Variants in TAPT1 observed in about 807,000 individuals in gnomAD.
TAPT1 encodes transmembrane anterior posterior transformation protein 1 homolog.
In TAPT1, 28 loss-of-function variants were observed where a neutral mutation model predicts 65.6. The observed-to-expected ratio is 0.43, with a 90% confidence interval of 0.32 to 0.59. The LOEUF (loss-of-function observed/expected upper bound fraction) is 0.59, where lower values mean the gene tolerates loss of function less well. Among genes scored for constraint, TAPT1 ranks in the 20% least tolerant of loss-of-function variants. The pLI is 0.09. For missense variants in TAPT1, 563 were observed against 679.9 expected, an observed-to-expected ratio of 0.83 and a Z score of 1.91; for synonymous variants, 278 against 245.2, an observed-to-expected ratio of 1.13 and a Z score of -1.25.
Position 16,226,273 on chromosome 4 carries a change from C to A in TAPT1, c.185G>T (p.Arg62Leu). ...FYESDRRRER[R>L]RGRTELSLLR... ...GCCCGCCTCACCTGTGCGGCCCCGG[C>A]GCCTCTCCCGCCGCCGGTCGCTCTC... The change falls in exon 1 of 14, where the codon CGC (arginine) becomes CTC (leucine). Residue 62 changes from arginine (R) to leucine (L), a missense_variant. Arg to Leu is a moderately radical substitution (Grantham distance 102). This residue lies in a region of TAPT1 where 103 missense variants were observed against 89.4 expected (regional missense o/e 1.15). Transcript: ENST00000405303. 8.9e-7 allele frequency: 1 copy of A among 1,124,526 alleles called. No individual in the cohort carries two copies. Among genetic ancestry groups the A allele is most frequent in the Non-Finnish European group, 1.1e-6 (1 of 919,886 alleles). 69.7% of individuals were successfully genotyped at this position (1,124,526 alleles called of 1,614,324 possible).
At chr4:16,202,713 AT>A (rs1750111563) in intron 2 of TAPT1, 133 bp from the exon 3 acceptor site, 1 of 532,422 alleles carries the variant, frequency 1.9e-6, no homozygotes, top group African/African-American at 1.9e-5. Flanking sequence ...GGAATAACAA[AT>A]TAACAGTTCT....
chr4:16,208,749 C>A (rs1019887172), intron 2 of TAPT1, among the ~76,000 whole-genome samples: 1 of 152,196 alleles, frequency 6.6e-6, no homozygotes, highest in Admixed American at 6.5e-5. Flanking sequence ...TGACTGTTAG[C>A]CAGCTTTTCC....
chr4:16,183,512 T>C (rs1487479845), intron 7 of TAPT1, among the ~76,000 whole-genome samples: 5 of 152,134 alleles, frequency 3.3e-5, no homozygotes, highest in Admixed American at 1.3e-4. Context: ...GGGGTATTAA[T>C]TACATCAACA....
intron 3 of TAPT1, among the ~76,000 whole-genome samples, chr4:16,200,265 A>G (rs1437778462): frequency 2.0e-5 from 3 of 152,248 alleles, no homozygotes; most frequent in African/African-American, 7.2e-5. Context: ...TGATCAAAGA[A>G]TAACTAAAAA....
At chr4:16,163,616 G>T in intron 13 of TAPT1, 79 bp from the exon 14 acceptor site, 1 of 1,216,242 alleles carries the variant, frequency 8.2e-7, no homozygotes, top group Non-Finnish European at 1.1e-6. Context: ...CAATACAGTG[G>T]TGCTGAAAAA....
At chr4:16,204,832 C>T (rs115922906) in intron 2 of TAPT1, among the ~76,000 whole-genome samples, 325 of 152,358 alleles carry the variant, frequency 2.1e-3, no homozygotes, top group Middle Eastern at 0.01. Context: ...CACTTTCACT[C>T]ATCCTTCTGG....
chr4:16,182,405 T>G (rs1421498752), intron 7 of TAPT1, among the ~76,000 whole-genome samples: 1 of 152,240 alleles, frequency 6.6e-6, no homozygotes, highest in African/African-American at 2.4e-5. Flanking sequence ...GAATGTTTTC[T>G]CCTAACCTTT....
intron 7 of TAPT1, among the ~76,000 whole-genome samples, chr4:16,186,299 TAAG>T (rs752735253): frequency 6.6e-6 from 1 of 152,330 alleles, no homozygotes; most frequent in Non-Finnish European, 1.5e-5. Flanking sequence ...TCTAGACTAT[TAAG>T]AAGCTTCTCA....
At chr4:16,182,090 T>G (rs116327707) in intron 7 of TAPT1, among the ~76,000 whole-genome samples, 1,669 of 152,284 alleles carry the variant, frequency 0.011, 39 homozygotes, top group Non-Finnish European at 0.012. Flanking sequence ...ATGTGAAGAT[T>G]TTTTGGAAGT....
intron 4 of TAPT1, among the ~76,000 whole-genome samples, chr4:16,188,747 C>T (rs1006817487): frequency 7.9e-5 from 12 of 151,840 alleles, no homozygotes; most frequent in Non-Finnish European, 1.6e-4. Flanking sequence ...AGTGAAACGC[C>T]GTCTCTACTA....
rs1747674828 is a variant in TAPT1 at position 16,166,975 on chromosome 4, G to GGAATTCCTT, written c.1314-191_1314-183dup. ...CCTCCTTGTCACAAAGAAAAACTTC[G>GGAATTCCTT]GAATTCCTTAGTTCTCTTTTTTTTT... On this transcript the variant is annotated intron_variant, in intron 12 of 13. Coordinates refer to ENST00000405303, the MANE Select transcript of TAPT1 (RefSeq NM_153365.3). 1.3e-5 allele frequency: 6 copies of GGAATTCCTT among 463,002 alleles called. No homozygotes were observed. In the South Asian group the frequency reaches 2.5e-4, roughly 19 times the overall value. The allele number at this position is 463,002 out of a possible 1,614,324, so 28.7% of individuals were successfully genotyped here. A position where few individuals can be genotyped will look rare whatever the true frequency, so the allele number is the denominator to read the frequency against.
At chr4:16,208,113 G>A (rs970345560) in intron 2 of TAPT1, among the ~76,000 whole-genome samples, 3 of 152,182 alleles carry the variant, frequency 2.0e-5, no homozygotes, top group African/African-American at 7.2e-5. Flanking sequence ...AATACCATGA[G>A]AGGGGAATAA....
chr4:16,184,950 CA>C (rs1249042600), intron 7 of TAPT1, among the ~76,000 whole-genome samples: 1 of 152,090 alleles, frequency 6.6e-6, no homozygotes, highest in Admixed American at 6.6e-5. Flanking sequence ...GTTTTATGAT[CA>C]CATATTTTAA....
intron 3 of TAPT1, among the ~76,000 whole-genome samples, chr4:16,192,822 T>A (rs895485883): frequency 1.3e-5 from 2 of 152,194 alleles, no homozygotes; most frequent in Non-Finnish European, 1.5e-5. Flanking sequence ...TGTGACAATG[T>A]TCTAAGCAAC....
chr4:16,170,105 A>G (rs1320615526), intron 12 of TAPT1, among the ~76,000 whole-genome samples: 2 of 152,230 alleles, frequency 1.3e-5, no homozygotes, highest in Non-Finnish European at 2.9e-5. Context: ...ATCATTTTAC[A>G]TTGTTATTTT....
At chr4:16,164,293 C>T (rs1412269358) in intron 13 of TAPT1, among the ~76,000 whole-genome samples, 4 of 152,188 alleles carry the variant, frequency 2.6e-5, no homozygotes, top group Non-Finnish European at 5.9e-5. Flanking sequence ...ATCCCTCTCT[C>T]CTGCCCTCAC....
At chr4:16,191,274 C>T in intron 4 of TAPT1, 87 bp downstream of exon 4, 1 of 1,348,138 alleles carries the variant, frequency 7.4e-7, no homozygotes, top group South Asian at 1.5e-5. Context: ...GTCGGTAGAG[C>T]ATTCTTGACT....
rs1370592206 is a variant in TAPT1 at position 16,166,925 on chromosome 4, T to TA, written c.1314-133dup. On this transcript the variant is annotated intron_variant, in intron 12 of 13. Transcript: ENST00000405303. ...GACAGATTAGGGATTTAGAGGAACT[T>TA]ACACAAATCTTGAGTTTTCTGAGGC... 106 of 798,672 alleles carry TA rather than the reference T, an allele frequency of 1.3e-4. No homozygotes were observed. The East Asian group carries it at 2.9e-3, about 22-fold the overall frequency. 49.5% of individuals were successfully genotyped at this position (798,672 alleles called of 1,614,324 possible).
intron 11 of TAPT1, among the ~76,000 whole-genome samples, chr4:16,173,330 G>A (rs1748122889): frequency 6.6e-6 from 1 of 152,110 alleles, no homozygotes; most frequent in African/African-American, 2.4e-5. Flanking sequence ...CCTGTTGTGG[G>A]CAATTCATTA....
Sources: gnomAD v4.1 joint callset for allele counts (sites outside exome capture counted in the v4.1 genomes callset) on GRCh38, gnomAD v4.1.1 for gene constraint, gnomAD v4.1.1 regional missense constraint, MANE v1.5 for transcripts, NCBI Gene and HGNC (gene_info 2026-07-23, HGNC 2026-07-21) for gene names.